Variants in POU6F2 observed in about 807,000 individuals in gnomAD.
POU6F2 encodes POU class 6 homeobox 2.
Under a neutral mutation model 71.3 loss-of-function variants are expected in POU6F2, and 31 were observed. The observed-to-expected ratio is 0.43, with a 90% CI of 0.33 to 0.59. POU6F2 has a LOEUF of 0.59. Ranked by LOEUF, POU6F2 falls within the 20% of genes least tolerant of loss-of-function variation. POU6F2 has a pLI of 0.04. For synonymous variants in POU6F2, 347 were observed against 355.7 expected (o/e 0.98, Z 0.27); for missense variants, 783 against 856.8 (o/e 0.91, Z 1.07).
At chr7:39,324,295 A>G (rs1785465355) in intron 4 of POU6F2, among the ~76,000 whole-genome samples, 1 of 152,140 alleles carries the variant, frequency 6.6e-6, no homozygotes, top group African/African-American at 2.4e-5. Context: ...GCTCTCTGAG[A>G]GTTGACACTT....
chr7:39,034,925 AAT>A (rs959756733), intron 1 of POU6F2, among the ~76,000 whole-genome samples: 5 of 151,994 alleles, frequency 3.3e-5, no homozygotes, highest in African/African-American at 1.2e-4. Flanking sequence ...CTCTTTTAAA[AAT>A]AGTTATTAAA....
intron 2 of POU6F2, among the ~76,000 whole-genome samples, chr7:39,099,363 G>A (rs964963250): frequency 3.9e-5 from 6 of 152,178 alleles, no homozygotes; most frequent in African/African-American, 1.4e-4. Flanking sequence ...TCCTCCCAGG[G>A]GCATCCGCTG....
At chr7:39,096,253 G>A (rs1002515934) in intron 2 of POU6F2, among the ~76,000 whole-genome samples, 2 of 152,092 alleles carry the variant, frequency 1.3e-5, no homozygotes, top group African/African-American at 4.8e-5. Flanking sequence ...ACTTGCCGAC[G>A]ACCTGCCATA....
At chr7:39,155,192 C>A (rs1792844512) in intron 2 of POU6F2, among the ~76,000 whole-genome samples, 1 of 134,108 alleles carries the variant, frequency 7.5e-6, no homozygotes, top group Non-Finnish European at 1.5e-5. Context: ...AGGAACTGAT[C>A]AACTTTTAAA....
chr7:39,181,117 C>T (rs775904895), intron 2 of POU6F2, among the ~76,000 whole-genome samples: 8 of 152,222 alleles, frequency 5.3e-5, no homozygotes, highest in Non-Finnish European at 7.3e-5. Context: ...TCTCTGTGAA[C>T]ATGGCTCTCT....
At chr7:39,384,094 A>G (rs1228634771) in intron 5 of POU6F2, among the ~76,000 whole-genome samples, 1 of 152,248 alleles carries the variant, frequency 6.6e-6, no homozygotes, top group Non-Finnish European at 1.5e-5. Flanking sequence ...AGCTGATTCA[A>G]TAATCCAAAG....
intron 2 of POU6F2, among the ~76,000 whole-genome samples, chr7:39,160,853 G>T: frequency 1.3e-5 from 2 of 152,126 alleles, no homozygotes; most frequent in East Asian, 3.9e-4. Context: ...ATTTTTGTCA[G>T]TGACTTGCTA....
At chr7:39,369,710 G>C (rs924657561) in intron 5 of POU6F2, among the ~76,000 whole-genome samples, 2 of 151,994 alleles carry the variant, frequency 1.3e-5, no homozygotes, top group Non-Finnish European at 2.9e-5. Context: ...CAGAGATGTG[G>C]TCTTGCTCTG....
In POU6F2 at chr7:39,339,867, C is replaced by A; in HGVS notation, c.824C>A (p.Pro275His). The part of the protein sequence containing the change: ...PAPTSQLQQA[P>H]QPQQHQPHSH... ...CCTACATCTCAGCTGCAACAGGCGC[C>A]TCAGCCCCAGCAGCACCAACCCCAC... Residue 275 changes from proline (P) to histidine (H), a missense_variant, in exon 5 of 10, where the codon CCT becomes CAT. By Grantham distance (77) the Pro-to-His change is moderately conservative. This residue lies in a region of POU6F2 where 572 missense variants were observed against 572.9 expected (regional missense o/e 1.00). Transcript: ENST00000518318. 6.2e-7 allele frequency: 1 copy of A among 1,612,320 alleles called. No homozygotes were observed. The highest frequency in any genetic ancestry group is 1.1e-5 in the South Asian group (1 of 90,874).
chr7:38,979,777 T>C (rs547535316), intron 1 of POU6F2, among the ~76,000 whole-genome samples: 4 of 152,344 alleles, frequency 2.6e-5, no homozygotes, highest in South Asian at 2.1e-4. Context: ...TCCTGTCTTC[T>C]GTATGGCATA....
intron 4 of POU6F2, among the ~76,000 whole-genome samples, chr7:39,331,892 A>G (rs183878041): frequency 6.6e-6 from 1 of 152,236 alleles, no homozygotes; most frequent in East Asian, 1.9e-4. Context: ...TGTTTCTCCT[A>G]TTGTTTCTCA....
chr7:39,219,988 T>C (rs945545808), intron 4 of POU6F2, among the ~76,000 whole-genome samples: 1 of 152,230 alleles, frequency 6.6e-6, no homozygotes, highest in Non-Finnish European at 1.5e-5. Context: ...TCAAAGTTAA[T>C]GCTGCTAACT....
chr7:39,438,395 G>T (rs1018432701), intron 7 of POU6F2, among the ~76,000 whole-genome samples: 2 of 152,092 alleles, frequency 1.3e-5, no homozygotes, highest in African/African-American at 4.8e-5. Context: ...GAGTAGTGCC[G>T]CAATAAACAT....
At chr7:39,375,869 T>G (rs1402804789) in intron 5 of POU6F2, among the ~76,000 whole-genome samples, 1 of 152,108 alleles carries the variant, frequency 6.6e-6, no homozygotes, top group African/African-American at 2.4e-5. Context: ...TTTTTGTTGT[T>G]GTTGTTGTTT....
chr7:39,298,836 A>C (rs1400120828), intron 4 of POU6F2, among the ~76,000 whole-genome samples: 1 of 152,238 alleles, frequency 6.6e-6, no homozygotes, highest in African/African-American at 2.4e-5. Context: ...TAAAAAAAGA[A>C]TGAGATCATG....
chr7:39,170,849 G>A (rs750259458), intron 2 of POU6F2, among the ~76,000 whole-genome samples: 13 of 151,724 alleles, frequency 8.6e-5, no homozygotes, highest in African/African-American at 4.8e-5. Flanking sequence ...ACATGTGGCC[G>A]TTCTGCCTAT....
chr7:38,980,588 C>T (rs184856600), intron 1 of POU6F2, among the ~76,000 whole-genome samples: 2 of 152,266 alleles, frequency 1.3e-5, no homozygotes, highest in East Asian at 3.9e-4. Context: ...TATTTTTTAG[C>T]TCTTGTCTTA....
intron 5 of POU6F2, chr7:39,406,354 C>T: frequency 2.0e-6 from 1 of 504,136 alleles, no homozygotes; most frequent in Non-Finnish European, 3.6e-6. Flanking sequence ...CAGGCTCGTT[C>T]CCTCCTGGGC....
chr7:39,340,071 G>A, intron 5 of POU6F2, 56 bp downstream of exon 5: 1 of 1,520,412 alleles, frequency 6.6e-7, no homozygotes, highest in Non-Finnish European at 8.8e-7. Flanking sequence ...CTTTCCATGG[G>A]GTGGTGCCAT....
Sources: allele counts gnomAD v4.1 joint callset (sites outside exome capture counted in the v4.1 genomes callset), GRCh38; gene constraint gnomAD v4.1.1; regional missense constraint gnomAD v4.1.1; transcripts MANE v1.5; gene names NCBI Gene and HGNC (gene_info 2026-07-23, HGNC 2026-07-21).